The following TAF3 variants were observed in gnomAD, a reference collection of about 807,000 sequenced individuals.
TAF3 encodes TATA-box binding protein associated factor 3.
A neutral mutation model predicts 80.6 loss-of-function variants in TAF3; 7 were observed. That is an observed-to-expected ratio of 0.09 (90% CI 0.05 to 0.16). The LOEUF is 0.16. Ranked by LOEUF, TAF3 falls within the 10% of genes least tolerant of loss-of-function variation. TAF3 has a pLI of 1.00. For missense variants in TAF3, 921 were observed against 1,140.2 expected (o/e 0.81, Z 2.77); for synonymous variants, 444 against 446.1 (o/e 1.00, Z 0.06).
intron 4 of TAF3, among the ~76,000 whole-genome samples, chr10:8,003,856 G>A (rs557355676): frequency 2.6e-5 from 4 of 151,700 alleles, no homozygotes; most frequent in Non-Finnish European, 5.9e-5. Context: ...GACCACCCTG[G>A]GCAACAGAGC....
intron 4 of TAF3, among the ~76,000 whole-genome samples, chr10:8,000,796 A>T (rs1164497777): frequency 1.3e-5 from 2 of 152,194 alleles, no homozygotes; most frequent in Non-Finnish European, 2.9e-5. Flanking sequence ...AAATAAATAG[A>T]TAAAACATCT....
chr10:7,871,022 C>T (rs781127552), intron 2 of TAF3, among the ~76,000 whole-genome samples: 38 of 152,026 alleles, frequency 2.5e-4, no homozygotes, highest in Middle Eastern at 3.4e-3. Context: ...GGAAAGACAA[C>T]GGAAAATTTT....
At position 7,818,727 on chromosome 10, in the gene TAF3, C is replaced by T; in HGVS notation, c.18C>T (p.Ser6=). ...GCAGCGGGATGTGCGAGAGTTACTC[C>T]AGGTCGTTGTTGAGGGTCTCGGTGG... is the stretch of plus-strand genomic sequence containing the variant. MCESY[S]RSLLRVSVAQ... is the part of the protein sequence containing the mutation. The change falls in exon 1 of 7, where the codon TCC becomes TCT. Residue 6 remains serine, a synonymous_variant. Transcript: ENST00000344293. 1.9e-6 allele frequency: 3 copies of T among 1,606,710 alleles called. No individual in the cohort carries two copies. Among genetic ancestry groups the T allele is most frequent in the South Asian group, 1.1e-5 (1 of 90,944 alleles).
intron 2 of TAF3, among the ~76,000 whole-genome samples, chr10:7,907,528 G>A (rs1837617715): frequency 6.6e-6 from 1 of 152,192 alleles, no homozygotes; most frequent in Non-Finnish European, 1.5e-5. Flanking sequence ...GAGAAATAAA[G>A]GGATAACAAA....
At chr10:7,872,231 T>TTC (rs1325044917) in intron 2 of TAF3, among the ~76,000 whole-genome samples, 1 of 150,692 alleles carries the variant, frequency 6.6e-6, no homozygotes, top group Non-Finnish European at 1.5e-5. Flanking sequence ...TTTTTTTTTT[T>TTC]TTCTTTCTTT....
intron 2 of TAF3, among the ~76,000 whole-genome samples, chr10:7,911,526 G>A (rs950439802): frequency 1.3e-5 from 2 of 152,156 alleles, no homozygotes; most frequent in South Asian, 2.1e-4. Flanking sequence ...ACCTCGTGTC[G>A]TATTATTCTG....
chr10:7,923,368 T>C (rs977624376), intron 2 of TAF3, among the ~76,000 whole-genome samples: 5 of 152,080 alleles, frequency 3.3e-5, no homozygotes, highest in Admixed American at 1.3e-4. Context: ...CCTTTTGTTA[T>C]AGGTTTTGTG....
chr10:7,927,098 T>C (rs1157781429), intron 2 of TAF3, among the ~76,000 whole-genome samples: 1 of 152,184 alleles, frequency 6.6e-6, no homozygotes, highest in Non-Finnish European at 1.5e-5. Context: ...CAAGCACTGG[T>C]CATGCCCAAG....
At chr10:7,903,616 G>A (rs1837580215) in intron 2 of TAF3, among the ~76,000 whole-genome samples, 1 of 152,164 alleles carries the variant, frequency 6.6e-6, no homozygotes, top group African/African-American at 2.4e-5. Flanking sequence ...GAATTGCTTA[G>A]CTGATGCAGT....
chr10:7,832,660 G>C (rs1440647357), intron 2 of TAF3, among the ~76,000 whole-genome samples: 2 of 151,958 alleles, frequency 1.3e-5, no homozygotes, highest in Non-Finnish European at 2.9e-5. Context: ...AGTGATTCTT[G>C]TGCCCCACCC....
At chr10:7,858,828 G>GCA (rs58230104) in intron 2 of TAF3, among the ~76,000 whole-genome samples, 9 of 148,692 alleles carry the variant, frequency 6.1e-5, no homozygotes, top group African/African-American at 9.9e-5. Flanking sequence ...GTGTGTGTGT[G>GCA]CGCGCGCCTG....
intron 3 of TAF3, among the ~76,000 whole-genome samples, chr10:7,975,680 A>C (rs934595911): frequency 2.6e-5 from 4 of 152,066 alleles, no homozygotes; most frequent in Non-Finnish European, 5.9e-5. Context: ...CTGTCGAAGC[A>C]GTAGATCTTG....
intron 4 of TAF3, among the ~76,000 whole-genome samples, chr10:8,008,461 A>G (rs1588349300): frequency 6.6e-6 from 1 of 152,326 alleles, no homozygotes; most frequent in South Asian, 2.1e-4. Context: ...AAGTCTTCAC[A>G]GTTTTATTGA....
intron 5 of TAF3, among the ~76,000 whole-genome samples, chr10:8,010,835 G>A (rs1251486824): frequency 4.6e-5 from 7 of 152,162 alleles, no homozygotes; most frequent in African/African-American, 1.7e-4. Context: ...GCTTGAACGG[G>A]AGGCAGAGCT....
chr10:7,843,418 CTTTTAAATGTCTGCA>C (rs1274186543), intron 2 of TAF3, among the ~76,000 whole-genome samples: 3 of 152,122 alleles, frequency 2.0e-5, no homozygotes, highest in African/African-American at 7.2e-5. Context: ...TTACAGTCAT[CTTTTAAATGTCTGCA>C]TTTGTCTTCC....
At chr10:7,943,312 C>G (rs2131398038) in intron 2 of TAF3, among the ~76,000 whole-genome samples, 2 of 152,262 alleles carry the variant, frequency 1.3e-5, no homozygotes, top group Middle Eastern at 6.8e-3. Context: ...ATTGCAAACT[C>G]TGACATTTTA....
At position 7,832,697 on chromosome 10, in the gene TAF3, C is replaced by T. The variant is rs1407797661; in HGVS notation, c.409+8137C>T. On this transcript the variant is annotated intron_variant, in intron 2 of 6. Coordinates refer to ENST00000344293, the MANE Select transcript of TAF3 (RefSeq NM_031923.4). Reference sequence around the variant, plus strand: ...CCCCAGTAGTTGGGATTACAGGTGCCCACCACCACACCCGGCTAATTTTTG... The same window carrying T: ...CCCCAGTAGTTGGGATTACAGGTGCTCACCACCACACCCGGCTAATTTTTG... Among the ~76,000 whole-genome samples, 3 of 152,136 alleles carry T rather than the reference C, an allele frequency of 2.0e-5. No individual in the cohort carries two copies. In the East Asian group the frequency reaches 5.8e-4, roughly 29 times the overall value.
At chr10:8,007,489 T>C (rs867719704) in intron 4 of TAF3, among the ~76,000 whole-genome samples, 12 of 148,998 alleles carry the variant, frequency 8.1e-5, no homozygotes, top group African/African-American at 2.7e-4. Flanking sequence ...GAAACAAATA[T>C]GGCAAAGGCT....
At chr10:7,835,202 G>A (rs1179633456) in intron 2 of TAF3, among the ~76,000 whole-genome samples, 2 of 152,110 alleles carry the variant, frequency 1.3e-5, no homozygotes. Context: ...TAACACCATC[G>A]ATAGCTGCTG....
Sources: gnomAD v4.1 joint callset for allele counts (sites outside exome capture counted in the v4.1 genomes callset) on GRCh38, gnomAD v4.1.1 for gene constraint, MANE v1.5 for transcripts, NCBI Gene and HGNC (gene_info 2026-07-23, HGNC 2026-07-21) for gene names.